PECAM1: variants seen among roughly 807,000 people sequenced by gnomAD.
PECAM1 encodes the protein platelet and endothelial cell adhesion molecule 1.
Under a neutral mutation model 13.8 loss-of-function variants are expected in PECAM1, and 8 were observed. The observed-to-expected ratio is 0.58, with a 90% confidence interval of 0.34 to 1.05. The LOEUF (loss-of-function observed/expected upper bound fraction) is 1.05, where lower values mean the gene tolerates loss of function less well. Ranked by LOEUF, PECAM1 falls within the 50% of genes least tolerant of loss-of-function variation. PECAM1 has a pLI of 0.03. For missense variants in PECAM1, 304 were observed against 141.2 expected, an observed-to-expected ratio of 2.15 and a Z score of -5.84; for synonymous variants, 136 against 52.6, an observed-to-expected ratio of 2.58 and a Z score of -6.86.
At chr17:64,354,379 A>G (rs1188053927) in intron 9 of PECAM1, among the ~76,000 whole-genome samples, 1 of 152,124 alleles carries the variant, frequency 6.6e-6, no homozygotes, top group Non-Finnish European at 1.5e-5. Context: ...GACAAAAACC[A>G]GGGCCCCTCC....
At chr17:64,360,914 C>G (rs1373637884) in intron 6 of PECAM1, among the ~76,000 whole-genome samples, 3 of 150,556 alleles carry the variant, frequency 2.0e-5, no homozygotes, top group African/African-American at 7.3e-5. Flanking sequence ...TCACTACAAC[C>G]TCCCAGAATC....
chr17:64,334,234 G>A (rs995840110), intron 14 of PECAM1, among the ~76,000 whole-genome samples: 28 of 151,752 alleles, frequency 1.8e-4, no homozygotes, highest in Non-Finnish European at 3.4e-4. Context: ...CCGGGCCAGC[G>A]CCCAGCTCTC....
chr17:64,343,117 A>G (rs1010560111), intron 13 of PECAM1, among the ~76,000 whole-genome samples: 4 of 152,122 alleles, frequency 2.6e-5, no homozygotes, highest in Non-Finnish European at 4.4e-5. Context: ...AGATGGGGAA[A>G]GGAAGCCCCA....
At chr17:64,355,417 A>G (rs2035823831) in intron 8 of PECAM1, among the ~76,000 whole-genome samples, 1 of 152,150 alleles carries the variant, frequency 6.6e-6, no homozygotes, top group Non-Finnish European at 1.5e-5. Context: ...CAGCCTCCCG[A>G]GTAGCTGGGA....
In PECAM1 at chr17:64,334,326, T is replaced by A. The variant is rs958686290; in HGVS notation, c.2165-4604A>T. Among the ~76,000 whole-genome samples the A allele has an allele frequency of 9.0e-3, 1,364 of 152,024 alleles. 25 individuals are homozygous for A. Among genetic ancestry groups the A allele is most frequent in the African/African-American group, 0.032 (1,310 of 41,464 alleles). ...TATCTAGGGGAGGGCTTATTTTGTA[T>A]TACTCAGGGGGTGAAAGGGGGTTTA... is the stretch of plus-strand genomic sequence containing the variant. On this transcript the variant is annotated intron_variant, in intron 14 of 15. Transcript: ENST00000563924.
At chr17:64,333,803 A>G (rs1005042268) in intron 14 of PECAM1, among the ~76,000 whole-genome samples, 11 of 151,808 alleles carry the variant, frequency 7.2e-5, no homozygotes, top group African/African-American at 2.7e-4. Flanking sequence ...ACTAAAATAT[A>G]AAAATATTTT....
intron 7 of PECAM1, among the ~76,000 whole-genome samples, chr17:64,359,778 A>G (rs1396536597): frequency 6.8e-6 from 1 of 146,986 alleles, no homozygotes; most frequent in Non-Finnish European, 1.5e-5. Flanking sequence ...TTTTAGATGG[A>G]GTTTCGCTCT....
chr17:64,350,318 CTA>C (rs2035688788), intron 12 of PECAM1, 60 bp downstream of exon 12: 2 of 407,654 alleles, frequency 4.9e-6, no homozygotes, highest in Non-Finnish European at 4.5e-6. Flanking sequence ...TTTTCTTTTC[CTA>C]TGAGTCTTTT....
chr17:64,337,133 A>ACAGCTGCAGG (rs1214564958), intron 14 of PECAM1, among the ~76,000 whole-genome samples: 615 of 152,306 alleles, frequency 4.0e-3, no homozygotes, highest in Non-Finnish European at 7.1e-3. Flanking sequence ...GGTTGGAGGC[A>ACAGCTGCAGG]CAGCTGCAGG....
intron 2 of PECAM1, among the ~76,000 whole-genome samples, chr17:64,384,988 A>T (rs1417901693): frequency 1.3e-5 from 2 of 152,212 alleles, no homozygotes; most frequent in Non-Finnish European, 2.9e-5. Context: ...ACACAGAGTG[A>T]CTGTTCACAA....
At chr17:64,370,110 T>G in intron 4 of PECAM1, 85 bp from the exon 5 acceptor site, 1 of 398,058 alleles carries the variant, frequency 2.5e-6, no homozygotes. Context: ...CTGCTTCCCC[T>G]TTTCAAACTT....
intron 2 of PECAM1, among the ~76,000 whole-genome samples, chr17:64,380,859 C>T (rs2036466457): frequency 6.6e-6 from 1 of 152,014 alleles, no homozygotes; most frequent in African/African-American, 2.4e-5. Context: ...TTGTGGCATG[C>T]ACCTGTAATC....
At chr17:64,325,304 C>T (rs187880988) in intron 15 of PECAM1, among the ~76,000 whole-genome samples, 7 of 152,184 alleles carry the variant, frequency 4.6e-5, no homozygotes, top group Non-Finnish European at 2.9e-5. Flanking sequence ...AGGAGAATGG[C>T]GTGAACCCGG....
Position 64,323,399 on chromosome 17 carries a change from C to T in PECAM1, c.*417G>A. The T allele has an allele frequency of 1.8e-6, 2 of 1,108,296 alleles. No homozygotes were observed. The highest frequency in any genetic ancestry group is 1.1e-6 in the Non-Finnish European group (1 of 904,318). The allele number at this position is 1,108,296 out of a possible 1,614,324, so 68.7% of individuals were successfully genotyped here. A position where few individuals can be genotyped will look rare whatever the true frequency, so the allele number is the denominator to read the frequency against. On this transcript the variant is annotated 3_prime_UTR_variant, in exon 16 of 16. Transcript: ENST00000563924. ...ACCAAAGGAAAAGAGAAAAAACCAG[C>T]CTCTAACCAGGCCATGCGCTAGAAA...
intron 12 of PECAM1, among the ~76,000 whole-genome samples, chr17:64,349,820 G>A (rs955628506): frequency 0.037 from 5,592 of 152,072 alleles, 358 homozygotes; most frequent in African/African-American, 0.13. Flanking sequence ...GGGAGGTGGA[G>A]GTTGCAGTGA....
chr17:64,385,633 A>G (rs1390768518), intron 2 of PECAM1, among the ~76,000 whole-genome samples: 1 of 152,170 alleles, frequency 6.6e-6, no homozygotes, highest in Non-Finnish European at 1.5e-5. Context: ...GTAAGAAATC[A>G]TCCTTGCTGT....
chr17:64,341,706 G>T lies in PECAM1; in HGVS notation c.2108-16C>A. The stretch of plus-strand genomic sequence containing the variant: ...TTTCCTAGATCTGGAAAAAGGACCA[G>T]GCATAAGTTAGTAGCTGCCTCTGGG... On this transcript the variant is annotated splice_polypyrimidine_tract_variant and intron_variant, in intron 13 of 15. Coordinates refer to ENST00000563924, the MANE Select transcript of PECAM1 (RefSeq NM_000442.5). 2.3e-6 allele frequency: 1 copy of T among 432,298 alleles called. No homozygotes were observed. Among genetic ancestry groups the T allele is most frequent in the South Asian group, 1.1e-4 (1 of 9,062 alleles). 26.8% of individuals were successfully genotyped at this position (432,298 alleles called of 1,614,324 possible). A position where few individuals can be genotyped will look rare whatever the true frequency, so the allele number is the denominator to read the frequency against.
At chr17:64,363,116 G>T (rs1038463941) in intron 6 of PECAM1, 33 bp downstream of exon 6, 176 of 475,202 alleles carry the variant, frequency 3.7e-4, no homozygotes, top group Non-Finnish European at 6.2e-4. Context: ...ATTCAACCCT[G>T]GATGTCCTCT....
At chr17:64,377,630 A>ACGG in intron 3 of PECAM1, 194 bp downstream of exon 3, 3 of 391,114 alleles carry the variant, frequency 7.7e-6, no homozygotes, top group Non-Finnish European at 1.4e-5. Flanking sequence ...GGAAGGAAGG[A>ACGG]AGGAAGGAAG....
Sources: allele counts gnomAD v4.1 joint callset (sites outside exome capture counted in the v4.1 genomes callset), GRCh38; gene constraint gnomAD v4.1.1; transcripts MANE v1.5; gene names NCBI Gene and HGNC (gene_info 2026-07-23, HGNC 2026-07-21).